AFF3: variants seen among roughly 807,000 people sequenced by gnomAD.
The protein encoded by AFF3 is AF4/FMR2 family member 3.
A neutral mutation model predicts 129.7 loss-of-function variants in AFF3; 32 were observed. The ratio of observed to expected loss-of-function variants is 0.25; its 90% CI spans 0.19 to 0.33. The LOEUF (loss-of-function observed/expected upper bound fraction) is 0.33. Ranked by LOEUF, AFF3 falls within the 10% of genes least tolerant of loss-of-function variation. The pLI is 1.00. For synonymous variants in AFF3, 644 were observed against 635.4 expected (o/e 1.01, Z -0.20); for missense variants, 1,373 against 1,592.0 (o/e 0.86, Z 2.34).
intron 4 of AFF3, 117 bp from the exon 5 acceptor site, chr2:100,009,049 G>A: frequency 1.5e-6 from 2 of 1,352,206 alleles, no homozygotes; most frequent in East Asian, 2.5e-5. Context: ...ATGACAACAA[G>A]AACATGGATG....
At chr2:100,029,748 C>T (rs1004206449) in intron 4 of AFF3, among the ~76,000 whole-genome samples, 1 of 152,168 alleles carries the variant, frequency 6.6e-6, no homozygotes, top group Non-Finnish European at 1.5e-5. Flanking sequence ...TATGAATGTG[C>T]TTAACGCTAC....
Position 99,649,284 on chromosome 2 carries a change from C to A in AFF3, c.1184+342G>T, listed in dbSNP as rs116083594. ...TATGGAAAAAGTCTGAAGAAAACAT[C>A]TCAAAATAAATGAAGTATTTATTGC... On this transcript the variant is annotated intron_variant, in intron 13 of 24. Transcript: ENST00000672756. Among the ~76,000 whole-genome samples the A allele has an allele frequency of 9.5e-3, 1,454 of 152,252 alleles. 23 individuals are homozygous for A. The highest frequency in any genetic ancestry group is 0.033 in the African/African-American group (1,352 of 41,530).
In AFF3 at chr2:99,594,097, C is replaced by T; in HGVS notation, c.1564G>A (p.Glu522Lys). Residue 522 changes from glutamate to lysine, a missense_variant, in exon 15 of 25, where the codon GAG becomes AAG. Physicochemically the swap from Glu to Lys is moderately conservative, Grantham distance 56 (BLOSUM62 1). Around this residue, in one of 9 missense-constraint regions of AFF3, gnomAD observed 413 missense variants for 424.4 expected, o/e 0.97. Coordinates refer to ENST00000672756, the MANE Select transcript of AFF3 (RefSeq NM_001386135.1). Reference protein sequence around the residue: ...DVCQPSLREKEIKSTCKEEQR... With the variant: ...DVCQPSLREKKIKSTCKEEQR... ...TCCTCCTTGCAAGTGCTCTTGATCT[C>T]CTTCTCTCTCAGGCTGGGCTGGCAA... 6.2e-7 allele frequency: 1 copy of T among 1,614,074 alleles called. No individual in the cohort carries two copies. Among genetic ancestry groups the T allele is most frequent in the Non-Finnish European group, 8.5e-7 (1 of 1,179,988 alleles).
intron 4 of AFF3, among the ~76,000 whole-genome samples, chr2:100,020,806 C>A (rs948615977): frequency 6.6e-6 from 1 of 152,224 alleles, no homozygotes; most frequent in African/African-American, 2.4e-5. Context: ...GCAGAGCCTC[C>A]TAAAATGTAT....
intron 4 of AFF3, among the ~76,000 whole-genome samples, chr2:100,079,255 A>G (rs1215871137): frequency 6.6e-6 from 1 of 152,112 alleles, no homozygotes; most frequent in Non-Finnish European, 1.5e-5. Flanking sequence ...CTTTTGCTGA[A>G]TATTTTCAAT....
intron 4 of AFF3, among the ~76,000 whole-genome samples, chr2:100,030,052 G>A (rs1026193212): frequency 6.7e-6 from 1 of 148,850 alleles, no homozygotes; most frequent in Non-Finnish European, 1.5e-5. Flanking sequence ...GGGCGAGAGA[G>A]CAAGACTGTC....
chr2:100,074,817 A>G (rs1285822172), intron 4 of AFF3, among the ~76,000 whole-genome samples: 1 of 152,224 alleles, frequency 6.6e-6, no homozygotes, highest in Non-Finnish European at 1.5e-5. Context: ...GACCTTATTT[A>G]TGCCAATAAC....
chr2:99,974,567 A>G (rs1291966400), intron 7 of AFF3, among the ~76,000 whole-genome samples: 1 of 152,160 alleles, frequency 6.6e-6, no homozygotes, highest in Non-Finnish European at 1.5e-5. Context: ...CTTTACTACC[A>G]GGGTGCTGCG....
chr2:99,559,911 G>A (rs1675311954), intron 21 of AFF3, among the ~76,000 whole-genome samples: 1 of 152,234 alleles, frequency 6.6e-6, no homozygotes, highest in South Asian at 2.1e-4. Flanking sequence ...GGGCTGACAG[G>A]TAAAGGAACT....
At chr2:99,952,114 A>G (rs1676226437) in intron 7 of AFF3, among the ~76,000 whole-genome samples, 1 of 152,180 alleles carries the variant, frequency 6.6e-6, no homozygotes, top group Non-Finnish European at 1.5e-5. Context: ...ACGTCGAATT[A>G]TAATTCCCAA....
intron 8 of AFF3, among the ~76,000 whole-genome samples, chr2:99,814,500 T>A (rs985512664): frequency 6.6e-6 from 1 of 152,138 alleles, no homozygotes; most frequent in African/African-American, 2.4e-5. Flanking sequence ...ACTACCTTCA[T>A]CAAGGGAGCT....
At chr2:99,651,941 C>G (rs1685295315) in intron 12 of AFF3, among the ~76,000 whole-genome samples, 1 of 152,054 alleles carries the variant, frequency 6.6e-6, no homozygotes, top group Non-Finnish European at 1.5e-5. Flanking sequence ...AGTTATCGTC[C>G]CAGAAAAGCT....
intron 11 of AFF3, among the ~76,000 whole-genome samples, chr2:99,707,856 C>A (rs574427396): frequency 1.4e-3 from 209 of 152,198 alleles, no homozygotes; most frequent in African/African-American, 4.8e-3. Flanking sequence ...TTTCTTTCTC[C>A]TTCTGGTACT....
At chr2:99,875,882 C>T (rs1463110263) in intron 7 of AFF3, among the ~76,000 whole-genome samples, 1 of 152,144 alleles carries the variant, frequency 6.6e-6, no homozygotes, top group African/African-American at 2.4e-5. Context: ...AAAAGCCGTC[C>T]CTGCGAAGGC....
intron 2 of AFF3, among the ~76,000 whole-genome samples, chr2:100,124,132 T>A (rs2105565979): frequency 6.6e-6 from 1 of 152,228 alleles, no homozygotes. Context: ...CTTTCCTCTC[T>A]CAGAATGTAG....
intron 7 of AFF3, among the ~76,000 whole-genome samples, chr2:99,951,118 T>C (rs2106385512): frequency 6.6e-6 from 1 of 152,342 alleles, no homozygotes; most frequent in South Asian, 2.1e-4. Context: ...ATTGAAACTA[T>C]ACCTTCACCC....
chr2:100,122,493 G>A (rs1478880126), intron 2 of AFF3, among the ~76,000 whole-genome samples: 3 of 152,190 alleles, frequency 2.0e-5, no homozygotes, highest in African/African-American at 7.2e-5. Flanking sequence ...TCAAGGATGT[G>A]CAGGGCAAAT....
At chr2:99,784,792 G>C (rs921204229) in intron 8 of AFF3, among the ~76,000 whole-genome samples, 5 of 152,156 alleles carry the variant, frequency 3.3e-5, no homozygotes, top group Non-Finnish European at 7.3e-5. Flanking sequence ...TAACTGTATT[G>C]TCCTATCATT....
intron 8 of AFF3, among the ~76,000 whole-genome samples, chr2:99,832,373 G>A (rs796714122): frequency 3.2e-4 from 49 of 152,288 alleles, no homozygotes; most frequent in African/African-American, 7.9e-4. Flanking sequence ...CAAAGCCTCC[G>A]GGCTCAGAAC....
Sources: allele counts gnomAD v4.1 joint callset (sites outside exome capture counted in the v4.1 genomes callset), GRCh38; gene constraint gnomAD v4.1.1; regional missense constraint gnomAD v4.1.1; transcripts MANE v1.5; gene names NCBI Gene and HGNC (gene_info 2026-07-23, HGNC 2026-07-21).